Variants in PSG11 observed in about 807,000 individuals in gnomAD.
The protein encoded by PSG11 is pregnancy-specific beta-1-glycoprotein 11.
In PSG11, 42 loss-of-function variants were observed where a neutral mutation model predicts 36.0. The ratio of observed to expected loss-of-function variants is 1.17; its 90% CI spans 0.91 to 1.51. PSG11 has a LOEUF of 1.51. PSG11 is among the 40% of genes most tolerant of loss of function. PSG11 has a pLI of 0.00. For missense variants in PSG11, 558 were observed against 403.5 expected, an observed-to-expected ratio of 1.38 and a Z score of -3.28; for synonymous variants, 206 against 153.5, an observed-to-expected ratio of 1.34 and a Z score of -2.53.
At chr19:43,020,301 T>G (rs539410202) in intron 2 of PSG11, among the ~76,000 whole-genome samples, 8 of 151,480 alleles carry the variant, frequency 5.3e-5, no homozygotes, top group Non-Finnish European at 1.0e-4. Flanking sequence ...GCATCCCAAA[T>G]CTGAAAAATT....
At chr19:43,016,536 CCTGGCCTGGGA>C (rs1966971642) in intron 3 of PSG11, among the ~76,000 whole-genome samples, 1 of 151,380 alleles carries the variant, frequency 6.6e-6, no homozygotes. Flanking sequence ...TACTGAGCAG[CCTGGCCTGGGA>C]CTGGATGTTT....
intron 4 of PSG11, among the ~76,000 whole-genome samples, chr19:43,012,792 A>G (rs1461222478): frequency 6.6e-6 from 1 of 151,344 alleles, no homozygotes. Flanking sequence ...CTGTCCTAAA[A>G]TTTATATTGA....
Position 43,024,982 on chromosome 19 carries a change from C to T in PSG11, c.139G>A (p.Glu47Lys), listed in dbSNP as rs374240794. The T allele has an allele frequency of 2.0e-5, 32 of 1,611,322 alleles. No individual in the cohort carries two copies. The highest frequency in any genetic ancestry group is 8.9e-5 in the East Asian group (4 of 44,804). ...ACAAGTAGAAGAACATCCTTCCCCT[C>T]GGACACTTTGGGTGGCTGGGCTTCA... is the stretch of plus-strand genomic sequence containing the variant. ...MIEAQPPKVS[E>K]GKDVLLLVHN... The change falls in exon 2 of 6, where the codon GAG becomes AAG. Residue 47 changes from glutamate to lysine, a missense_variant. Glu to Lys is a moderately conservative substitution (Grantham distance 56). Coordinates refer to ENST00000320078, the MANE Select transcript of PSG11 (RefSeq NM_002785.3).
At chr19:43,014,912 A>G in intron 4 of PSG11, 1 of 1,431,204 alleles carries the variant, frequency 7.0e-7, no homozygotes, top group African/African-American at 1.5e-5. Flanking sequence ...CTCAGGCCAG[A>G]CACAAGGTCA....
At chr19:43,022,222 A>G (rs1967118238) in intron 2 of PSG11, among the ~76,000 whole-genome samples, 1 of 151,492 alleles carries the variant, frequency 6.6e-6, no homozygotes, top group South Asian at 2.1e-4. Context: ...CAAAATTTGT[A>G]ACTAATTGCT....
At chr19:43,010,890 C>CATATATATATATATATAT (rs10566441) in intron 4 of PSG11, among the ~76,000 whole-genome samples, 58 of 140,434 alleles carry the variant, frequency 4.1e-4, no homozygotes, top group African/African-American at 1.5e-3. Flanking sequence ...CCTCTTTTTC[C>CATATATATATATATATAT]ATATATATAT....
intron 3 of PSG11, chr19:43,015,977 A>G: frequency 6.2e-7 from 1 of 1,610,078 alleles, no homozygotes; most frequent in Non-Finnish European, 8.5e-7. Context: ...TCACAGGTGA[A>G]GGTTAAGACA....
At chr19:43,025,935 T>TC (rs1967241423) in intron 1 of PSG11, among the ~76,000 whole-genome samples, 1 of 66,980 alleles carries the variant, frequency 1.5e-5, no homozygotes, top group Non-Finnish European at 2.7e-5. Context: ...TTTTTTTTTC[T>TC]CTTTTTTTTT....
Position 43,010,573 on chromosome 19 carries a change from G to A in PSG11, c.965-532C>T, listed in dbSNP as rs139571874. 9.9e-3 allele frequency: 4,281 copies of A among 432,596 alleles called. 281 individuals carry two copies. The highest frequency in any genetic ancestry group is 0.082 in the African/African-American group (3,924 of 48,030). 26.8% of individuals were successfully genotyped at this position (432,596 alleles called of 1,614,324 possible). ...CTTTAACGCTAATGGGTGACTGGTT[G>A]GAGGATTCCTCATCAGCCTTGCAAA... is the stretch of plus-strand genomic sequence containing the variant. On this transcript the variant is annotated intron_variant, in intron 4 of 5. Coordinates refer to ENST00000320078, the MANE Select transcript of PSG11 (RefSeq NM_002785.3).
chr19:43,020,711 C>T (rs1237661424), intron 2 of PSG11, among the ~76,000 whole-genome samples: 3 of 151,012 alleles, frequency 2.0e-5, no homozygotes, highest in Non-Finnish European at 4.4e-5. Context: ...GAGAGAGTCC[C>T]GTTAAAAGGA....
chr19:43,025,200 C>G (rs945858684), intron 1 of PSG11, 144 bp from the exon 2 acceptor site: 4 of 1,350,858 alleles, frequency 3.0e-6, no homozygotes, highest in Non-Finnish European at 3.0e-6. Flanking sequence ...AACATACACA[C>G]ACAGAAAAGG....
intron 5 of PSG11, among the ~76,000 whole-genome samples, chr19:43,009,553 G>C (rs921272167): frequency 1.3e-5 from 2 of 151,336 alleles, no homozygotes; most frequent in African/African-American, 4.9e-5. Flanking sequence ...CTAGATTTTA[G>C]AAAGGTAATG....
At chr19:43,024,336 T>G in intron 2 of PSG11, 2 of 340,086 alleles carry the variant, frequency 5.9e-6, no homozygotes, top group Non-Finnish European at 5.3e-6. Flanking sequence ...TCTCTGAGAG[T>G]ATCTCAGGGG....
chr19:43,009,671 T>G (rs746023607), intron 5 of PSG11, among the ~76,000 whole-genome samples: 34 of 151,484 alleles, frequency 2.2e-4, no homozygotes, highest in East Asian at 5.8e-4. Flanking sequence ...ACTATTGAGA[T>G]ATGTTAAAAA....
chr19:43,017,717 A>G (rs1036970761), intron 3 of PSG11: 2 of 151,452 alleles, frequency 1.3e-5, no homozygotes, highest in Non-Finnish European at 2.9e-5. Flanking sequence ...CTTTCTAACA[A>G]TATTGATTCT....
intron 4 of PSG11, chr19:43,010,600 A>C: frequency 2.8e-6 from 1 of 358,406 alleles, no homozygotes; most frequent in Non-Finnish European, 5.2e-6. Context: ...CCTTGCAAAA[A>C]CTCTTAGAAT....
intron 2 of PSG11, among the ~76,000 whole-genome samples, chr19:43,020,488 T>G (rs1320276892): frequency 6.6e-6 from 1 of 151,186 alleles, no homozygotes; most frequent in African/African-American, 2.4e-5. Flanking sequence ...GTGTTCTGAC[T>G]CTAGTAACAA....
rs1050781357 is a variant in PSG11 at position 43,018,657 on chromosome 19, G to A, written c.709+113C>T. ...GCAGAAAGTCATGGCCAGCTTTGATGTCCAGTGGTAAAGGTCTCTGTACTT... is the reference window on the plus strand; with the variant it reads ...GCAGAAAGTCATGGCCAGCTTTGATATCCAGTGGTAAAGGTCTCTGTACTT... On this transcript the variant is annotated intron_variant, in intron 3 of 5. Transcript: ENST00000320078. The A allele has an allele frequency of 3.8e-6, 6 of 1,599,790 alleles. No homozygotes were observed. The African/African-American group carries it at 8.1e-5, about 22-fold the overall frequency.
rs1459013880 is a variant in PSG11 at position 43,015,100 on chromosome 19, G to A, written c.964+16C>T. ...CACCTAAAACCCTATTGCCAAGGATGCTGGGATCCACTTACCAATGACTCT... is the reference window on the plus strand; with the variant it reads ...CACCTAAAACCCTATTGCCAAGGATACTGGGATCCACTTACCAATGACTCT... On this transcript the variant is annotated intron_variant, in intron 4 of 5. Coordinates refer to ENST00000320078, the MANE Select transcript of PSG11 (RefSeq NM_002785.3). The A allele has an allele frequency of 6.2e-7, 1 of 1,611,678 alleles. No individual in the cohort carries two copies. The highest frequency in any genetic ancestry group is 8.5e-7 in the Non-Finnish European group (1 of 1,178,706).
Sources: gnomAD v4.1 joint callset for allele counts (sites outside exome capture counted in the v4.1 genomes callset) on GRCh38, gnomAD v4.1.1 for gene constraint, MANE v1.5 for transcripts, NCBI Gene and HGNC (gene_info 2026-07-23, HGNC 2026-07-21) for gene names.